Variants in SLC15A3 observed in about 807,000 individuals in gnomAD.
The protein encoded by SLC15A3 is osteoclast transporter.
SLC15A3 carries 39 observed loss-of-function variants against 49.2 expected under a neutral mutation model. That is an observed-to-expected ratio of 0.79 (90% CI 0.61 to 1.04). The LOEUF is 1.04. Ranked by LOEUF, SLC15A3 falls within the 50% of genes least tolerant of loss-of-function variation. The probability of loss-of-function intolerance (pLI) is 0.00; values close to 1 mark genes in which losing one functional copy is unlikely to be tolerated. For missense variants in SLC15A3, 758 were observed against 794.8 expected (o/e 0.95, Z 0.56); for synonymous variants, 339 against 367.0 (o/e 0.92, Z 0.87).
chr11:60,939,604 G>T lies in SLC15A3; in HGVS notation c.1311C>A (p.His437Gln). The change falls in exon 6 of 8, where the codon CAC becomes CAA. Residue 437 changes from histidine to glutamine, a missense_variant. Physicochemically the swap from His to Gln is conservative, Grantham distance 24. Around this residue, in one of 3 missense-constraint regions of SLC15A3, gnomAD observed 699 missense variants for 706.7 expected, o/e 0.99. Coordinates refer to ENST00000227880, the MANE Select transcript of SLC15A3 (RefSeq NM_016582.3). ...VLEMERLHYI[H>Q]HNETVSQQIG... The stretch of plus-strand genomic sequence containing the variant: ...TCTGCTGGGACACGGTCTCGTTGTG[G>T]TGGATGTAGTGTAAGCGCTCCATCT... The T allele has an allele frequency of 2.5e-6, 4 of 1,614,202 alleles. No individual in the cohort carries two copies. The highest frequency in any genetic ancestry group is 3.4e-6 in the Non-Finnish European group (4 of 1,180,022).
Position 60,951,579 on chromosome 11 carries a change from C to T in SLC15A3, c.-28G>A. ...TGGCTCCGGGCTGGGCCCCCCGCGG[C>T]TCTTCTCTCCTCTCCTCTCCCCGCC... On this transcript the variant is annotated 5_prime_UTR_variant, in exon 1 of 8. Transcript: ENST00000227880. The T allele has an allele frequency of 9.4e-7, 1 of 1,067,324 alleles. No homozygotes were observed. Among genetic ancestry groups the T allele is most frequent in the Non-Finnish European group, 1.1e-6 (1 of 884,738 alleles). 66.1% of individuals were successfully genotyped at this position (1,067,324 alleles called of 1,614,324 possible).
chr11:60,950,857 G>C (rs1856903441), intron 1 of SLC15A3, 137 bp downstream of exon 1: 9 of 947,992 alleles, frequency 9.5e-6, no homozygotes, highest in Non-Finnish European at 1.3e-5. Flanking sequence ...GTTTTGCAAG[G>C]GCTAGCCCCC....
At chr11:60,938,139 C>CAGGGGAAG in intron 6 of SLC15A3, 114 bp from the exon 7 acceptor site, 2 of 1,280,380 alleles carry the variant, frequency 1.6e-6, no homozygotes, top group Non-Finnish European at 2.1e-6. Flanking sequence ...TCCAGGCTTC[C>CAGGGGAAG]CCTGGATGCC....
chr11:60,951,433 A>C lies in SLC15A3; in HGVS notation c.119T>G (p.Leu40Arg). ...GGCGGCGCGCTCCAGCATCTCCACC[A>C]GCAGCACGGCCGCGCCCGCCGCCCG... Reference protein sequence around the residue: ...WRRAAGAAVLLVEMLERAAFF... With the variant: ...WRRAAGAAVLRVEMLERAAFF... Residue 40 changes from leucine (L) to arginine (R), a missense_variant, in exon 1 of 8, where the codon CTG (leucine) becomes CGG (arginine). Leu to Arg is a moderately radical substitution (Grantham distance 102). This residue lies in a region of SLC15A3 where 31 missense variants were observed against 58.4 expected (regional missense o/e 0.53). Coordinates refer to ENST00000227880, the MANE Select transcript of SLC15A3 (RefSeq NM_016582.3). 6.7e-7 allele frequency: 1 copy of C among 1,492,406 alleles called. No homozygotes were observed. Among genetic ancestry groups the C allele is most frequent in the South Asian group, 1.3e-5 (1 of 77,900 alleles). 92.4% of individuals were successfully genotyped at this position (1,492,406 alleles called of 1,614,324 possible).
intron 3 of SLC15A3, 31 bp from the exon 4 acceptor site, chr11:60,942,176 C>T: frequency 6.3e-7 from 1 of 1,585,118 alleles, no homozygotes; most frequent in Non-Finnish European, 8.7e-7. Context: ...GAGGCTGGAA[C>T]AGAAACGGCC....
Position 60,937,303 on chromosome 11 carries a change from G to A in SLC15A3, c.1662C>T (p.Leu554=). The A allele has an allele frequency of 6.2e-7, 1 of 1,614,184 alleles. No individual in the cohort carries two copies. The highest frequency in any genetic ancestry group is 1.3e-5 in the African/African-American group (1 of 75,052). The part of the protein sequence containing the change: ...LLAGIQAVTA[L]LFVWIAGRYE... ...AGCGTCCAGCGATCCAGACAAATAGGAGAGCCGTGACGGCCTGAATGCCAG... is the reference window on the plus strand; with the variant it reads ...AGCGTCCAGCGATCCAGACAAATAGAAGAGCCGTGACGGCCTGAATGCCAG... Residue 554 remains leucine, a synonymous_variant, in exon 8 of 8, where the codon CTC becomes CTT. Coordinates refer to ENST00000227880, the MANE Select transcript of SLC15A3 (RefSeq NM_016582.3).
intron 2 of SLC15A3, 102 bp downstream of exon 2, chr11:60,946,430 G>A: frequency 1.5e-6 from 2 of 1,320,288 alleles, no homozygotes; most frequent in South Asian, 1.5e-5. Flanking sequence ...AGCTATCACT[G>A]TAGCTGAACC....
At position 60,951,238 on chromosome 11, in the gene SLC15A3, G is replaced by C. The variant is rs1486019421; in HGVS notation, c.314C>G (p.Ala105Gly). ...GGCCAGGTAGAGCAGCAGGCTGAGCGCGACCGCGCGGTAGCGGCCCAGGTA... is the reference window on the plus strand; with the variant it reads ...GGCCAGGTAGAGCAGCAGGCTGAGCCCGACCGCGCGGTAGCGGCCCAGGTA... ...DVYLGRYRAV[A>G]LSLLLYLAAS... Residue 105 changes from alanine to glycine, a missense_variant, in exon 1 of 8, where the codon GCG becomes GGG. Ala to Gly is a moderately conservative substitution (Grantham distance 60). Around this residue, in one of 3 missense-constraint regions of SLC15A3, gnomAD observed 699 missense variants for 706.7 expected, o/e 0.99. Coordinates refer to ENST00000227880, the MANE Select transcript of SLC15A3 (RefSeq NM_016582.3). 1 of 1,511,770 alleles carries C rather than the reference G, an allele frequency of 6.6e-7. No individual in the cohort carries two copies. Among genetic ancestry groups the C allele is most frequent in the Admixed American group, 2.1e-5 (1 of 47,742 alleles). The allele number at this position is 1,511,770 out of a possible 1,614,324, so 93.6% of individuals were successfully genotyped here.
At position 60,943,905 on chromosome 11, in the gene SLC15A3, C is replaced by T. The variant is rs561029242; in HGVS notation, c.849-69G>A. The T allele has an allele frequency of 8.0e-5, 109 of 1,370,358 alleles. No homozygotes were observed. In the African/African-American group the frequency reaches 1.6e-3, roughly 20 times the overall value. 84.9% of individuals were successfully genotyped at this position (1,370,358 alleles called of 1,614,324 possible). A position where few individuals can be genotyped will look rare whatever the true frequency, so the allele number is the denominator to read the frequency against. ...GGGCTTGGTGGCTTATGCCTGTAAT[C>T]CCAGCACTTTGGGAGGCTGAGGCGG... On this transcript the variant is annotated intron_variant, in intron 2 of 7. Coordinates refer to ENST00000227880, the MANE Select transcript of SLC15A3 (RefSeq NM_016582.3).
Position 60,951,118 on chromosome 11 carries a change from G to GAGGGGC in SLC15A3, c.428_433dup (p.Cys143_Pro144dup). On this transcript the variant is annotated inframe_insertion, in exon 1 of 8. Transcript: ENST00000227880. ...GGGCGAGGAGCGCGGGCAGCCGGCC[G>GAGGGGC]AGGGGCAGGCAGGTCCCAGCGGCGA... The GAGGGGC allele has an allele frequency of 6.8e-7, 1 of 1,480,384 alleles. No individual in the cohort carries two copies. The highest frequency in any genetic ancestry group is 8.9e-7 in the Non-Finnish European group (1 of 1,125,120). The allele number at this position is 1,480,384 out of a possible 1,614,324, so 91.7% of individuals were successfully genotyped here.
At chr11:60,948,780 T>C (rs1856842218) in intron 1 of SLC15A3, among the ~76,000 whole-genome samples, 1 of 152,200 alleles carries the variant, frequency 6.6e-6, no homozygotes, top group Non-Finnish European at 1.5e-5. Context: ...GGGGAGAACG[T>C]ACAGGAGCTT....
At chr11:60,944,723 T>C (rs1445184119) in intron 2 of SLC15A3, among the ~76,000 whole-genome samples, 1 of 151,974 alleles carries the variant, frequency 6.6e-6, no homozygotes, top group South Asian at 2.1e-4. Context: ...AAGTCCATCC[T>C]CCTCAACAGT....
intron 2 of SLC15A3, among the ~76,000 whole-genome samples, chr11:60,945,461 C>T (rs1856787553): frequency 6.6e-6 from 1 of 152,214 alleles, no homozygotes; most frequent in Admixed American, 6.5e-5. Context: ...ATTTAAATCA[C>T]TAAGCTCTGG....
intron 5 of SLC15A3, chr11:60,940,801 A>G (rs983421809): frequency 1.0e-5 from 2 of 192,862 alleles, no homozygotes; most frequent in Non-Finnish European, 2.1e-5. Flanking sequence ...AATTCATTCA[A>G]CACATTTATG....
intron 2 of SLC15A3, 151 bp from the exon 3 acceptor site, chr11:60,943,987 G>A (rs1027418548): frequency 3.9e-5 from 28 of 713,746 alleles, no homozygotes; most frequent in African/African-American, 2.4e-4. Context: ...ATGAAACTCC[G>A]TCCCTACTAA....
intron 1 of SLC15A3, 29 bp from the exon 2 acceptor site, chr11:60,946,850 G>A: frequency 3.8e-6 from 6 of 1,589,638 alleles, no homozygotes; most frequent in Middle Eastern, 1.8e-4. Context: ...TGACAGTGAG[G>A]GCCAAAGGGG....
intron 4 of SLC15A3, chr11:60,941,827 G>T: frequency 1.8e-6 from 1 of 559,534 alleles, no homozygotes; most frequent in South Asian, 2.0e-5. Context: ...GTGTGCAGCT[G>T]GCCTGAATTC....
chr11:60,941,942 AG>A (rs1309861499), intron 4 of SLC15A3, 92 bp downstream of exon 4: 2 of 1,233,774 alleles, frequency 1.6e-6, no homozygotes, highest in African/African-American at 3.0e-5. Flanking sequence ...CAGGCAGGAA[AG>A]GGGAGTGTGA....
Position 60,946,539 on chromosome 11 carries a change from AGT to A in SLC15A3, c.839_840del (p.His280LeufsTer192), listed in dbSNP as rs774171828. On this transcript the variant is annotated frameshift_variant, in exon 2 of 8. Transcript: ENST00000227880. LOFTEE classifies it high-confidence loss of function. ...QNCCPQLWQRHSARDRQCARV... is the reference protein window; with the variant it reads ...QNCCPQLWQRXSARDRQCARV... ...CCCAGAGCCCCTCCTTACCTGGCCG[AGT>A]GTCGTTGCCACAGCTGGGGGCAGCA... The A allele has an allele frequency of 6.4e-7, 1 of 1,560,022 alleles. No homozygotes were observed. The highest frequency in any genetic ancestry group is 1.2e-5 in the South Asian group (1 of 82,840).
Sources: allele counts gnomAD v4.1 joint callset (sites outside exome capture counted in the v4.1 genomes callset), GRCh38; gene constraint gnomAD v4.1.1; regional missense constraint gnomAD v4.1.1; transcripts MANE v1.5; gene names NCBI Gene and HGNC (gene_info 2026-07-23, HGNC 2026-07-21).